RIMS2: variants seen among roughly 807,000 people sequenced by gnomAD.
RIMS2 encodes regulating synaptic membrane exocytosis protein 2.
Under a neutral mutation model 174.4 loss-of-function variants are expected in RIMS2, and 59 were observed. The ratio of observed to expected loss-of-function variants is 0.34; its 90% CI spans 0.27 to 0.42. RIMS2 has a LOEUF of 0.42. Ranked by LOEUF, RIMS2 falls within the 10% of genes least tolerant of loss-of-function variation. The pLI is 1.00. For missense variants in RIMS2, 1,620 were observed against 1,666.3 expected (o/e 0.97, Z 0.48); for synonymous variants, 606 against 572.5 (o/e 1.06, Z -0.84).
chr8:103,666,361 G>A (rs2096668711), intron 1 of RIMS2, among the ~76,000 whole-genome samples: 1 of 152,080 alleles, frequency 6.6e-6, no homozygotes, highest in South Asian at 2.1e-4. Context: ...GCAGTTTTAG[G>A]CTAAGCCTAA....
intron 1 of RIMS2, among the ~76,000 whole-genome samples, chr8:103,590,778 A>C (rs1382086006): frequency 6.6e-6 from 1 of 151,176 alleles, no homozygotes; most frequent in Admixed American, 6.6e-5. Context: ...TTCACTGAGG[A>C]TAATGTTTTT....
At chr8:103,540,698 G>A (rs904889425) in intron 1 of RIMS2, among the ~76,000 whole-genome samples, 12 of 152,232 alleles carry the variant, frequency 7.9e-5, no homozygotes, top group Middle Eastern at 3.4e-3. Flanking sequence ...GCCTGAGAAA[G>A]AATCCAAAGT....
intron 2 of RIMS2, among the ~76,000 whole-genome samples, chr8:103,704,279 T>C (rs2097198937): frequency 6.6e-6 from 1 of 151,762 alleles, no homozygotes; most frequent in South Asian, 2.1e-4. Context: ...ATTTATTGAA[T>C]TGTGAATGTT....
At chr8:103,859,209 C>T (rs984581486) in intron 3 of RIMS2, among the ~76,000 whole-genome samples, 2 of 152,088 alleles carry the variant, frequency 1.3e-5, no homozygotes, top group African/African-American at 4.8e-5. Context: ...AGGAAAGAAA[C>T]TGACAATTAC....
chr8:103,771,095 G>A (rs898718097), intron 3 of RIMS2, among the ~76,000 whole-genome samples: 1 of 152,162 alleles, frequency 6.6e-6, no homozygotes, highest in African/African-American at 2.4e-5. Context: ...TTTTGGTACA[G>A]TGTTTTACAG....
intron 1 of RIMS2, among the ~76,000 whole-genome samples, chr8:103,574,391 T>C (rs991780786): frequency 6.6e-6 from 1 of 152,244 alleles, no homozygotes; most frequent in Admixed American, 6.5e-5. Flanking sequence ...AGCTTTGTTA[T>C]ATAAAAGCAA....
At chr8:103,787,327 G>A in intron 3 of RIMS2, among the ~76,000 whole-genome samples, 1 of 151,428 alleles carries the variant, frequency 6.6e-6, no homozygotes, top group Non-Finnish European at 1.5e-5. Context: ...ATGTTAGCTG[G>A]TTATTTTGCT....
At chr8:103,975,867 G>C (rs2093371270) in intron 16 of RIMS2, 1 of 162,842 alleles carries the variant, frequency 6.1e-6, no homozygotes, top group Non-Finnish European at 1.3e-5. Context: ...AGAGTGAAAG[G>C]AATCATCCAG....
In RIMS2 at chr8:103,559,056, C is replaced by CT. The variant is rs397952535; in HGVS notation, c.176+58006dup. 6.0e-4 allele frequency: 59 copies of CT among 99,062 alleles called. 3 individuals carry two copies. Among genetic ancestry groups the CT allele is most frequent in the Middle Eastern group, 0.01 (2 of 198 alleles). 6.1% of individuals were successfully genotyped at this position (99,062 alleles called of 1,614,324 possible). ...TGGTGGCCTTTCAGATATTTTTTAA[C>CT]TTTTTTTTTTTTGCTCTCTGATCAT... is the stretch of plus-strand genomic sequence containing the variant. On this transcript the variant is annotated intron_variant, in intron 1 of 23. Transcript: ENST00000504942.
intron 14 of RIMS2, 95 bp downstream of exon 16, chr8:103,943,021 TTAA>T (rs1399304028): frequency 1.1e-5 from 9 of 855,108 alleles, no homozygotes; most frequent in Non-Finnish European, 1.6e-5. Flanking sequence ...TTTGTGAATA[TTAA>T]TAGTCATTTG....
At chr8:104,178,415 C>T (rs1207530679) in intron 19 of RIMS2, among the ~76,000 whole-genome samples, 1 of 152,128 alleles carries the variant, frequency 6.6e-6, no homozygotes, top group African/African-American at 2.4e-5. Flanking sequence ...CTTGTGTTTT[C>T]AGCCTCTAAT....
intron 2 of RIMS2, among the ~76,000 whole-genome samples, chr8:103,764,281 T>C (rs962574692): frequency 1.1e-4 from 17 of 152,248 alleles, no homozygotes; most frequent in Non-Finnish European, 2.4e-4. Context: ...AAAGGGATGC[T>C]CTTCTTCAGT....
In RIMS2 at chr8:104,103,367, G is replaced by C. The variant is rs115249961; in HGVS notation, c.3334+88752G>C. Among the ~76,000 whole-genome samples, 1,165 of 152,092 alleles carry C rather than the reference G, an allele frequency of 7.7e-3. 25 individuals carry two copies. The highest frequency in any genetic ancestry group is 0.027 in the African/African-American group (1,100 of 41,472). On this transcript the variant is annotated intron_variant, in intron 19 of 23. Coordinates refer to ENST00000504942, the Ensembl canonical transcript of RIMS2. ...GCTACTGAATCATATACTTTAAAAG[G>C]GTGTGTTTTATCACCTGTGAATTAT...
chr8:104,092,619 CT>C, intron 19 of RIMS2, among the ~76,000 whole-genome samples: 1 of 151,766 alleles, frequency 6.6e-6, no homozygotes, highest in East Asian at 1.9e-4. Flanking sequence ...TTTAAGAAGC[CT>C]TTTACAGGTT....
At chr8:103,956,181 T>C (rs1185088962) in intron 14 of RIMS2, among the ~76,000 whole-genome samples, 2 of 152,188 alleles carry the variant, frequency 1.3e-5, no homozygotes, top group Non-Finnish European at 2.9e-5. Context: ...CTGCCCAAAG[T>C]AATTTATACA....
At chr8:103,518,082 T>C (rs1829881969) in intron 1 of RIMS2, among the ~76,000 whole-genome samples, 1 of 152,108 alleles carries the variant, frequency 6.6e-6, no homozygotes, top group Non-Finnish European at 1.5e-5. Context: ...GTTTTAAAGT[T>C]GTAGCAAAAT....
chr8:103,710,251 T>A (rs868634215), intron 2 of RIMS2, among the ~76,000 whole-genome samples: 5 of 152,294 alleles, frequency 3.3e-5, no homozygotes, highest in South Asian at 2.1e-4. Context: ...TAAAGCTATT[T>A]AAAAATTCTC....
intron 19 of RIMS2, among the ~76,000 whole-genome samples, chr8:104,153,879 G>A (rs1807812564): frequency 6.6e-6 from 1 of 152,230 alleles, no homozygotes; most frequent in Admixed American, 6.5e-5. Flanking sequence ...CAGGGACTCT[G>A]ACAGGTCAAG....
At chr8:104,123,958 C>G (rs368244760) in intron 19 of RIMS2, among the ~76,000 whole-genome samples, 23 of 151,988 alleles carry the variant, frequency 1.5e-4, no homozygotes, top group African/African-American at 5.1e-4. Context: ...AAGCAAAGCT[C>G]AATAAAATAA....
Sources: allele counts gnomAD v4.1 joint callset (sites outside exome capture counted in the v4.1 genomes callset), GRCh38; gene constraint gnomAD v4.1.1; transcripts MANE v1.5; gene names NCBI Gene and HGNC (gene_info 2026-07-23, HGNC 2026-07-21).